Variants in RGS8 observed in about 807,000 individuals in gnomAD.
The protein encoded by RGS8 is regulator of G-protein signaling 8.
RGS8 carries 8 observed loss-of-function variants against 21.7 expected under a neutral mutation model. That is an observed-to-expected ratio of 0.37 (90% confidence interval 0.22 to 0.66). The LOEUF is 0.66. RGS8 is among the 30% of genes least tolerant of loss of function. RGS8 has a pLI of 0.59. For missense variants in RGS8, 157 were observed against 217.9 expected (o/e 0.72, Z 1.76); for synonymous variants, 80 against 83.6 (o/e 0.96, Z 0.24).
At chr1:182,741,413 C>A in the RGS8 span, among the ~76,000 whole-genome samples, 6 of 131,800 alleles carry the variant, frequency 4.6e-5, no homozygotes, top group Non-Finnish European at 6.6e-5. Flanking sequence ...GGGGGGCTGA[C>A]CCCCCCACCT....
chr1:182,680,683 T>A (rs1664508560), intron 1 of RGS8, among the ~76,000 whole-genome samples: 1 of 152,196 alleles, frequency 6.6e-6, no homozygotes, highest in Non-Finnish European at 1.5e-5. Flanking sequence ...CCAAGCAAGG[T>A]CCCAGGCATG....
the RGS8 span, among the ~76,000 whole-genome samples, chr1:182,705,236 A>C: frequency 1.3e-5 from 2 of 152,174 alleles, no homozygotes; most frequent in Non-Finnish European, 2.9e-5. Context: ...TAAAAACCCC[A>C]GTTCAAGTAT....
At chr1:182,706,033 A>T in the RGS8 span, among the ~76,000 whole-genome samples, 8,703 of 152,192 alleles carry the variant, frequency 0.057, 359 homozygotes, top group Non-Finnish European at 0.088. Flanking sequence ...CTCAGGCTGA[A>T]GTGCACTGTC....
At chr1:182,741,803 C>T in the RGS8 span, among the ~76,000 whole-genome samples, 3 of 109,610 alleles carry the variant, frequency 2.7e-5, no homozygotes, top group Non-Finnish European at 6.4e-5. Flanking sequence ...CGCAGAGGGG[C>T]TCCTCACTTC....
intron 5 of RGS8, among the ~76,000 whole-genome samples, chr1:182,650,741 G>A (rs549737201): frequency 3.9e-5 from 6 of 152,270 alleles, no homozygotes; most frequent in African/African-American, 9.6e-5. Flanking sequence ...TGTGTCCAGC[G>A]ATTCGGGAAG....
At chr1:182,725,736 G>A in the RGS8 span, among the ~76,000 whole-genome samples, 1 of 152,182 alleles carries the variant, frequency 6.6e-6, no homozygotes, top group Non-Finnish European at 1.5e-5. Context: ...TTTCCTGCTA[G>A]ATTCTGTCTG....
At chr1:182,680,873 C>T (rs1227317670) in intron 1 of RGS8, among the ~76,000 whole-genome samples, 1 of 152,230 alleles carries the variant, frequency 6.6e-6, no homozygotes, top group East Asian at 1.9e-4. Context: ...TGCTGGCCAA[C>T]AGAGACAGTG....
At chr1:182,690,488 T>C in the RGS8 span, among the ~76,000 whole-genome samples, 1 of 152,216 alleles carries the variant, frequency 6.6e-6, no homozygotes, top group Non-Finnish European at 1.5e-5. Context: ...ATGTTTAAAA[T>C]ATTTATCAGT....
chr1:182,721,031 G>T, the RGS8 span, among the ~76,000 whole-genome samples: 2 of 80,578 alleles, frequency 2.5e-5, no homozygotes, highest in Non-Finnish European at 5.0e-5. Flanking sequence ...ATATATGTGT[G>T]TATATATACA....
At chr1:182,706,770 A>G in the RGS8 span, among the ~76,000 whole-genome samples, 1 of 152,186 alleles carries the variant, frequency 6.6e-6, no homozygotes, top group Non-Finnish European at 1.5e-5. Context: ...CTGGCCATCC[A>G]TGGGCTAACT....
chr1:182,716,561 T>C, the RGS8 span, among the ~76,000 whole-genome samples: 2 of 152,104 alleles, frequency 1.3e-5, no homozygotes, highest in Admixed American at 1.3e-4. Flanking sequence ...AGTGTATACA[T>C]TTTTAAATCT....
the RGS8 span, among the ~76,000 whole-genome samples, chr1:182,698,209 C>T: frequency 1.3e-5 from 2 of 152,136 alleles, no homozygotes; most frequent in Admixed American, 6.5e-5. Flanking sequence ...AGCCACAAAC[C>T]GGTTGGTGGT....
intron 5 of RGS8, among the ~76,000 whole-genome samples, chr1:182,664,628 T>C (rs1351872158): frequency 2.6e-5 from 4 of 152,236 alleles, no homozygotes; most frequent in Non-Finnish European, 5.9e-5. Context: ...CTGCAAATCC[T>C]AAATATTATT....
the RGS8 span, among the ~76,000 whole-genome samples, chr1:182,713,531 A>G: frequency 1.3e-5 from 2 of 151,946 alleles, no homozygotes; most frequent in African/African-American, 4.8e-5. Flanking sequence ...GGCACGGGGG[A>G]TACCTCTAAA....
chr1:182,642,851 G>A (rs1428456400), downstream of RGS8: 3 of 148,454 alleles, frequency 2.0e-5, no homozygotes, highest in Non-Finnish European at 4.5e-5. Context: ...ATACCCCCAG[G>A]ACGTGACACT....
In RGS8 at chr1:182,679,680, G is replaced by A. The variant is rs181556520; in HGVS notation, n.221+4676C>T. On this transcript the variant is annotated intron_variant and non_coding_transcript_variant, in intron 1 of 4. Transcript: ENST00000515211. ...AATAGCTCCCAATCATGTAGACTCC[G>A]ATAGTCCTTGGGTTGCTGAACATAC... 2.0e-5 allele frequency among the ~76,000 whole-genome samples: 3 copies of A among 152,148 alleles called. No homozygotes were observed. In the East Asian group the frequency reaches 5.8e-4, roughly 29 times the overall value.
the RGS8 span, among the ~76,000 whole-genome samples, chr1:182,746,172 C>T: frequency 6.6e-6 from 1 of 152,178 alleles, no homozygotes; most frequent in Non-Finnish European, 1.5e-5. Context: ...CTCCAAAATA[C>T]TGCCACCCCA....
chr1:182,719,459 TTC>T, the RGS8 span, among the ~76,000 whole-genome samples: 5 of 114,524 alleles, frequency 4.4e-5, no homozygotes, highest in East Asian at 9.7e-4. Flanking sequence ...TTTTTCTTTC[TTC>T]TTTTTTTTTT....
At chr1:182,699,361 AGAG>A in the RGS8 span, among the ~76,000 whole-genome samples, 5 of 152,198 alleles carry the variant, frequency 3.3e-5, no homozygotes, top group Non-Finnish European at 2.9e-5. Context: ...TGGAGTGTAG[AGAG>A]GAGGAGGTGG....
Sources: gnomAD v4.1 joint callset for allele counts (sites outside exome capture counted in the v4.1 genomes callset) on GRCh38, gnomAD v4.1.1 for gene constraint, MANE v1.5 for transcripts, NCBI Gene and HGNC (gene_info 2026-07-23, HGNC 2026-07-21) for gene names.